RXFP1: variants seen among roughly 807,000 people sequenced by gnomAD.
RXFP1 encodes the protein relaxin family peptide receptor 1, also known as relaxin receptor 1.
In RXFP1, 73 loss-of-function variants were observed where a neutral mutation model predicts 89.8. That is an observed-to-expected ratio of 0.81 (90% CI 0.67 to 0.99). The LOEUF is 0.99. RXFP1 is among the 50% of genes least tolerant of loss of function. RXFP1 has a pLI of 0.00. For synonymous variants in RXFP1, 277 were observed against 305.5 expected (o/e 0.91, Z 0.97); for missense variants, 793 against 895.5 (o/e 0.89, Z 1.46).
intron 1 of RXFP1, among the ~76,000 whole-genome samples, chr4:158,543,222 C>A (rs1747292842): frequency 6.6e-6 from 1 of 152,244 alleles, no homozygotes; most frequent in African/African-American, 2.4e-5. Flanking sequence ...CTTTCCTGTT[C>A]CTCCATTCTT....
chr4:158,597,495 T>A (rs1760852928), intron 3 of RXFP1, among the ~76,000 whole-genome samples: 2 of 152,220 alleles, frequency 1.3e-5, no homozygotes, highest in Admixed American at 6.5e-5. Context: ...ACCATTTTTA[T>A]CAAATTTTCA....
chr4:158,648,279 T>C (rs1218931328), intron 16 of RXFP1, among the ~76,000 whole-genome samples: 3 of 152,228 alleles, frequency 2.0e-5, no homozygotes, highest in African/African-American at 7.2e-5. Flanking sequence ...GTAAACATTT[T>C]ATCATTCTTC....
intron 3 of RXFP1, among the ~76,000 whole-genome samples, chr4:158,596,417 C>T (rs548292247): frequency 8.0e-4 from 121 of 152,058 alleles, no homozygotes; most frequent in Non-Finnish European, 1.5e-3. Flanking sequence ...TGTGCCACCA[C>T]GCCTGGCTAA....
intron 1 of RXFP1, among the ~76,000 whole-genome samples, chr4:158,552,599 C>T (rs147958028): frequency 1.4e-4 from 21 of 152,080 alleles, no homozygotes; most frequent in African/African-American, 4.8e-4. Context: ...TCCAAGTAGC[C>T]GTGTTTTTGG....
At chr4:158,566,369 T>A (rs1216866961) in intron 1 of RXFP1, among the ~76,000 whole-genome samples, 1 of 76,752 alleles carries the variant, frequency 1.3e-5, no homozygotes, top group Non-Finnish European at 2.7e-5. Context: ...TAAAATTATC[T>A]CAAAATTTTT....
chr4:158,600,715 C>A, intron 4 of RXFP1, among the ~76,000 whole-genome samples: 1 of 151,824 alleles, frequency 6.6e-6, no homozygotes, highest in Non-Finnish European at 1.5e-5. Flanking sequence ...GTAGTCTCAG[C>A]TACTTGGAGG....
intron 5 of RXFP1, among the ~76,000 whole-genome samples, chr4:158,606,188 A>T (rs537270606): frequency 6.6e-6 from 1 of 152,182 alleles, no homozygotes; most frequent in Admixed American, 6.5e-5. Context: ...AGACTGAAGA[A>T]TTTTTCTGTA....
At chr4:158,609,875 G>A (rs532574846) in intron 6 of RXFP1, among the ~76,000 whole-genome samples, 2 of 152,278 alleles carry the variant, frequency 1.3e-5, no homozygotes, top group African/African-American at 4.8e-5. Flanking sequence ...TGAATGTGGA[G>A]GAAGCTCTTG....
intron 12 of RXFP1, 49 bp downstream of exon 12, chr4:158,633,525 T>C: frequency 8.3e-7 from 1 of 1,209,202 alleles, no homozygotes; most frequent in Non-Finnish European, 1.2e-6. Flanking sequence ...TTTATTATTT[T>C]TTAAATTGTA....
chr4:158,645,181 T>C (rs756029090), intron 15 of RXFP1, 43 bp downstream of exon 15: 6 of 1,421,476 alleles, frequency 4.2e-6, no homozygotes, highest in Non-Finnish European at 5.9e-6. Flanking sequence ...TTTTGAAATA[T>C]ACAAAAGCTT....
intron 1 of RXFP1, among the ~76,000 whole-genome samples, chr4:158,537,005 A>G (rs1010188598): frequency 7.1e-6 from 1 of 140,024 alleles, no homozygotes; most frequent in African/African-American, 3.0e-5. Flanking sequence ...CAATTTGTCA[A>G]TTTATATTAG....
chr4:158,545,537 T>G (rs1167279281), intron 1 of RXFP1, among the ~76,000 whole-genome samples: 5 of 152,234 alleles, frequency 3.3e-5, no homozygotes, highest in Non-Finnish European at 7.3e-5. Context: ...GCCTATGTCC[T>G]GAATGGTATT....
chr4:158,596,376 G>A (rs1350777067), intron 3 of RXFP1, among the ~76,000 whole-genome samples: 1 of 149,528 alleles, frequency 6.7e-6, no homozygotes, highest in African/African-American at 2.5e-5. Context: ...TGATTCTTCT[G>A]CCTCAGCCTC....
At chr4:158,545,363 A>G (rs1748029092) in intron 1 of RXFP1, among the ~76,000 whole-genome samples, 3 of 152,198 alleles carry the variant, frequency 2.0e-5, no homozygotes, top group East Asian at 3.9e-4. Flanking sequence ...TTTGTCAGAT[A>G]GGTAGGTTGC....
At chr4:158,597,799 C>G (rs574249911) in intron 3 of RXFP1, among the ~76,000 whole-genome samples, 1 of 152,140 alleles carries the variant, frequency 6.6e-6, no homozygotes, top group Non-Finnish European at 1.5e-5. Context: ...TCCTTCCCAA[C>G]CTTTTCCATC....
rs546471762 is a variant in RXFP1 at position 158,571,653 on chromosome 4, A to C, written c.50-1045A>C. The stretch of plus-strand genomic sequence containing the variant: ...CTCCAGCCTGGGCGACAAGAGTGAA[A>C]CTCTGTCTCAAAAAGAAAAAAGAAA... On this transcript the variant is annotated intron_variant, in intron 1 of 17. Coordinates refer to ENST00000307765, the MANE Select transcript of RXFP1 (RefSeq NM_021634.4). Among the ~76,000 whole-genome samples the C allele has an allele frequency of 2.6e-5, 4 of 152,068 alleles. No individual in the cohort carries two copies. In the East Asian group the frequency reaches 7.7e-4, roughly 29 times the overall value.
chr4:158,611,287 A>C (rs1323941134), intron 6 of RXFP1, among the ~76,000 whole-genome samples: 1 of 152,228 alleles, frequency 6.6e-6, no homozygotes, highest in Non-Finnish European at 1.5e-5. Context: ...GAATTGCTAC[A>C]CTAGAGAGAT....
chr4:158,534,941 T>C (rs988936971), intron 1 of RXFP1, among the ~76,000 whole-genome samples: 2 of 148,004 alleles, frequency 1.4e-5, no homozygotes, highest in African/African-American at 2.4e-5. Context: ...TATATTAATA[T>C]ATTACATAAA....
intron 2 of RXFP1, among the ~76,000 whole-genome samples, chr4:158,580,726 T>C (rs978148517): frequency 5.9e-5 from 9 of 152,318 alleles, no homozygotes; most frequent in African/African-American, 1.4e-4. Flanking sequence ...TACTTTGCAA[T>C]TTTGCCATTC....
Sources: allele counts gnomAD v4.1 joint callset (sites outside exome capture counted in the v4.1 genomes callset), GRCh38; gene constraint gnomAD v4.1.1; transcripts MANE v1.5; gene names NCBI Gene and HGNC (gene_info 2026-07-23, HGNC 2026-07-21).